TANC1: variants seen among roughly 807,000 people sequenced by gnomAD.
TANC1 encodes the protein protein TANC1.
A neutral mutation model predicts 149.7 loss-of-function variants in TANC1; 77 were observed. The ratio of observed to expected loss-of-function variants is 0.51; its 90% CI spans 0.43 to 0.62. TANC1 has a LOEUF of 0.62. TANC1 is among the 20% of genes least tolerant of loss of function. The pLI is 0.00. For synonymous variants in TANC1, 854 were observed against 925.0 expected, an observed-to-expected ratio of 0.92 and a Z score of 1.39; for missense variants, 1,985 against 2,321.8, an observed-to-expected ratio of 0.85 and a Z score of 2.98.
chr2:159,181,544 G>T (rs568486574), intron 14 of TANC1, among the ~76,000 whole-genome samples: 1 of 152,172 alleles, frequency 6.6e-6, no homozygotes, highest in Non-Finnish European at 1.5e-5. Flanking sequence ...TGATCCGCCC[G>T]CCTCGGCCTC....
intron 14 of TANC1, among the ~76,000 whole-genome samples, chr2:159,185,471 T>A (rs966604680): frequency 1.3e-5 from 2 of 152,206 alleles, no homozygotes. Flanking sequence ...CTGGCTTTTC[T>A]CTCCTTCCCA....
At chr2:159,086,055 G>A (rs76579027) in intron 3 of TANC1, among the ~76,000 whole-genome samples, 15,611 of 152,124 alleles carry the variant, frequency 0.1, 822 homozygotes, top group African/African-American at 0.11. Flanking sequence ...GTTGTCCCTG[G>A]GTTGGCCTCA....
intron 3 of TANC1, among the ~76,000 whole-genome samples, chr2:159,094,759 A>C (rs2045908580): frequency 8.5e-6 from 1 of 118,106 alleles, no homozygotes; most frequent in Non-Finnish European, 1.6e-5. Context: ...AGGGTGGATG[A>C]AGCTTGTGTG....
chr2:159,125,658 C>T (rs953522767), intron 4 of TANC1, among the ~76,000 whole-genome samples: 6 of 148,594 alleles, frequency 4.0e-5, no homozygotes, highest in African/African-American at 7.4e-5. Flanking sequence ...GTCGTGATCT[C>T]GGCTCACTGC....
intron 4 of TANC1, among the ~76,000 whole-genome samples, chr2:159,112,634 C>T (rs2047859085): frequency 6.8e-6 from 1 of 146,032 alleles, no homozygotes; most frequent in South Asian, 2.3e-4. Flanking sequence ...ATGGCACAAT[C>T]ACAGCTCACT....
intron 17 of TANC1, among the ~76,000 whole-genome samples, chr2:159,195,344 T>A (rs543311854): frequency 6.6e-6 from 1 of 152,180 alleles, no homozygotes; most frequent in Non-Finnish European, 1.5e-5. Flanking sequence ...GGTCTTGAAC[T>A]CCTGACCTCA....
At chr2:159,166,627 T>G (rs2054621238) in intron 8 of TANC1, among the ~76,000 whole-genome samples, 1 of 152,238 alleles carries the variant, frequency 6.6e-6, no homozygotes, top group Admixed American at 6.5e-5. Flanking sequence ...GGGTAAATAC[T>G]GAATGTGAGT....
intron 2 of TANC1, among the ~76,000 whole-genome samples, chr2:159,038,439 AGGGAATGCTT>A (rs1446296663): frequency 1.3e-5 from 2 of 152,180 alleles, no homozygotes; most frequent in Non-Finnish European, 2.9e-5. Flanking sequence ...GAGTTTTCAA[AGGGAATGCTT>A]CCAGTTTTTG....
chr2:159,208,525 G>A (rs2058774217), intron 19 of TANC1, among the ~76,000 whole-genome samples: 1 of 152,220 alleles, frequency 6.6e-6, no homozygotes, highest in South Asian at 2.1e-4. Flanking sequence ...TGGTTACCCA[G>A]ATTTGGATTC....
At chr2:159,194,605 C>A in intron 17 of TANC1, 112 bp downstream of exon 17, 2 of 963,036 alleles carry the variant, frequency 2.1e-6, no homozygotes, top group Non-Finnish European at 3.2e-6. Flanking sequence ...ACAGCATACA[C>A]AGAAAGGGTC....
Position 159,172,263 on chromosome 2 carries a change from T to C in TANC1, c.1494T>C (p.Leu498=), listed in dbSNP as rs1408636854. 6.2e-7 allele frequency: 1 copy of C among 1,614,020 alleles called. No individual in the cohort carries two copies. Among genetic ancestry groups the C allele is most frequent in the Non-Finnish European group, 8.5e-7 (1 of 1,179,922 alleles). Residue 498 remains leucine (L), a synonymous_variant, in exon 11 of 27, where the codon CTT becomes CTC. Coordinates refer to ENST00000263635, the MANE Select transcript of TANC1 (RefSeq NM_033394.3). The part of the protein sequence containing the change: ...QRPREDAVKY[L]ASKVVAYHYC... ...CAAGAGAGGATGCAGTGAAATATCTTGCTTCTAAGGTAATCTTTCTTGTTT... is the reference window on the plus strand; with the variant it reads ...CAAGAGAGGATGCAGTGAAATATCTCGCTTCTAAGGTAATCTTTCTTGTTT...
intron 4 of TANC1, among the ~76,000 whole-genome samples, chr2:159,117,701 C>CTTT (rs59509568): frequency 6.5e-4 from 74 of 113,264 alleles, no homozygotes; most frequent in South Asian, 2.1e-3. Context: ...CGGCCTATTC[C>CTTT]TTTTTTTTTT....
At chr2:159,219,168 A>G in intron 20 of TANC1, 70 bp from the exon 21 acceptor site, 3 of 1,596,478 alleles carry the variant, frequency 1.9e-6, no homozygotes, top group Non-Finnish European at 1.7e-6. Context: ...AGGTTGAGAA[A>G]CCTGCCTGGG....
chr2:158,974,016 G>A (rs1301078643), intron 1 of TANC1, among the ~76,000 whole-genome samples: 4 of 152,124 alleles, frequency 2.6e-5, no homozygotes, highest in Admixed American at 6.5e-5. Context: ...ATTGAGTGCC[G>A]GCTGACTCTG....
chr2:159,034,550 T>G (rs936929859), intron 2 of TANC1, among the ~76,000 whole-genome samples: 1 of 152,138 alleles, frequency 6.6e-6, no homozygotes, highest in African/African-American at 2.4e-5. Flanking sequence ...TCATGGGCCA[T>G]GGGATGGAAA....
At chr2:159,096,001 A>G (rs905219067) in intron 3 of TANC1, among the ~76,000 whole-genome samples, 10 of 149,258 alleles carry the variant, frequency 6.7e-5, no homozygotes, top group Non-Finnish European at 1.3e-4. Flanking sequence ...GTGTGTGTGT[A>G]TGTGTGGTTT....
intron 3 of TANC1, among the ~76,000 whole-genome samples, chr2:159,082,578 C>T (rs2044388423): frequency 1.3e-5 from 2 of 152,082 alleles, no homozygotes; most frequent in South Asian, 4.2e-4. Flanking sequence ...CAAACATGAC[C>T]CTCGCCTTTC....
At position 159,151,466 on chromosome 2, in the gene TANC1, C is replaced by A. The variant is rs1390738362; in HGVS notation, c.682+910C>A. 6.6e-5 allele frequency among the ~76,000 whole-genome samples: 10 copies of A among 152,340 alleles called. No individual in the cohort carries two copies. The East Asian group carries it at 1.9e-3, about 29-fold the overall frequency. On this transcript the variant is annotated intron_variant, in intron 7 of 26. Coordinates refer to ENST00000263635, the MANE Select transcript of TANC1 (RefSeq NM_033394.3). ...CAGAGCTCTTCTGAAAGATTTAACT[C>A]CCCTTTTGCTGAGTTATGCACGTGT... is the stretch of plus-strand genomic sequence containing the variant.
At chr2:159,116,435 A>ACAACAG (rs1459305839) in intron 4 of TANC1, among the ~76,000 whole-genome samples, 7 of 138,904 alleles carry the variant, frequency 5.0e-5, no homozygotes, top group Non-Finnish European at 7.8e-5. Flanking sequence ...TCAAAAAACA[A>ACAACAG]CAACAACAAC....
Sources: allele counts gnomAD v4.1 joint callset (sites outside exome capture counted in the v4.1 genomes callset), GRCh38; gene constraint gnomAD v4.1.1; transcripts MANE v1.5; gene names NCBI Gene and HGNC (gene_info 2026-07-23, HGNC 2026-07-21).